EFHC2: variants seen among roughly 807,000 people sequenced by gnomAD.
The protein encoded by EFHC2 is EF-hand domain containing 2.
A neutral mutation model predicts 52.7 loss-of-function variants in EFHC2; 18 were observed. The ratio of observed to expected loss-of-function variants is 0.34; its 90% CI spans 0.24 to 0.51. The LOEUF (loss-of-function observed/expected upper bound fraction) is 0.51. Ranked by LOEUF, EFHC2 falls within the 20% of genes least tolerant of loss-of-function variation. The probability of loss-of-function intolerance (pLI) is 0.97; values close to 1 mark genes in which losing one functional copy is unlikely to be tolerated. For synonymous variants in EFHC2, 203 were observed against 204.1 expected, an observed-to-expected ratio of 0.99 and a Z score of 0.04; for missense variants, 513 against 562.5, an observed-to-expected ratio of 0.91 and a Z score of 0.89.
chrX:44,298,261 A>G (rs780845030), intron 2 of EFHC2, among the ~76,000 whole-genome samples: 2 of 112,120 alleles, frequency 1.8e-5, no homozygotes, highest in Admixed American at 1.9e-4. Context: ...CTGTTATAGT[A>G]TATTATTACA....
At chrX:44,174,688 A>G (rs142369465) in intron 13 of EFHC2, among the ~76,000 whole-genome samples, 83 of 106,574 alleles carry the variant, frequency 7.8e-4, no homozygotes, top group African/African-American at 2.9e-3. Context: ...TATATGTGTA[A>G]TATGCTAAAC....
chrX:44,292,270 G>C (rs1318434897), intron 2 of EFHC2, among the ~76,000 whole-genome samples: 1 of 110,531 alleles, frequency 9.0e-6, no homozygotes. Flanking sequence ...CCCCATATCC[G>C]AAATTCTTGA....
At chrX:44,293,845 T>C (rs965204709) in intron 2 of EFHC2, among the ~76,000 whole-genome samples, 1 of 111,945 alleles carries the variant, frequency 8.9e-6, no homozygotes, top group Non-Finnish European at 1.9e-5. Flanking sequence ...ACATAAATCC[T>C]TCCTCTTACC....
chrX:44,196,292 G>A (rs2036965666), intron 11 of EFHC2, among the ~76,000 whole-genome samples: 1 of 111,755 alleles, frequency 8.9e-6, no homozygotes, highest in Admixed American at 9.5e-5. Flanking sequence ...CTCAGAGCCA[G>A]GCCTGTGGCT....
chrX:44,234,803 G>C (rs2037305259), intron 9 of EFHC2, among the ~76,000 whole-genome samples: 1 of 111,773 alleles, frequency 8.9e-6, no homozygotes, highest in Admixed American at 9.5e-5. Context: ...CTGTGGGCCT[G>C]AGTGCTGGAA....
At chrX:44,288,351 C>G (rs990344725) in intron 2 of EFHC2, among the ~76,000 whole-genome samples, 1 of 109,293 alleles carries the variant, frequency 9.1e-6, no homozygotes, top group Non-Finnish European at 1.9e-5. Context: ...ACAGTTTACC[C>G]GCATGGAAAA....
chrX:44,251,103 G>A (rs1361516405), intron 4 of EFHC2, among the ~76,000 whole-genome samples: 2 of 106,466 alleles, frequency 1.9e-5, no homozygotes, highest in Non-Finnish European at 3.9e-5. Flanking sequence ...GCCGGGCGTG[G>A]TGGCAGGCAC....
At chrX:44,197,804 G>A (rs981797878) in intron 11 of EFHC2, among the ~76,000 whole-genome samples, 1 of 112,709 alleles carries the variant, frequency 8.9e-6, no homozygotes, top group Non-Finnish European at 1.9e-5. Context: ...GCCCTATGGT[G>A]GCCCAAGTGC....
intron 2 of EFHC2, among the ~76,000 whole-genome samples, chrX:44,306,922 G>C (rs914063207): frequency 8.9e-6 from 1 of 112,211 alleles, no homozygotes; most frequent in Non-Finnish European, 1.9e-5. Context: ...GTGTAGCCTT[G>C]GTCTGATGCA....
chrX:44,178,053 C>A (rs2036801902), intron 12 of EFHC2, among the ~76,000 whole-genome samples: 1 of 107,149 alleles, frequency 9.3e-6, no homozygotes, highest in African/African-American at 3.4e-5. Flanking sequence ...CTCTCTTGAA[C>A]CTGGGAGGTG....
chrX:44,279,221 G>T (rs1420121131), intron 2 of EFHC2, among the ~76,000 whole-genome samples: 2 of 111,762 alleles, frequency 1.8e-5, no homozygotes, highest in Non-Finnish European at 3.8e-5. Context: ...GTGCATGCCT[G>T]TAATCCCAGC....
chrX:44,250,647 A>G (rs1470999042), intron 4 of EFHC2, among the ~76,000 whole-genome samples: 1 of 106,531 alleles, frequency 9.4e-6, no homozygotes, highest in African/African-American at 3.4e-5. Flanking sequence ...CAACATGGCA[A>G]AAACACAACT....
intron 4 of EFHC2, among the ~76,000 whole-genome samples, chrX:44,255,658 C>G (rs1382121773): frequency 9.0e-6 from 1 of 111,172 alleles, no homozygotes; most frequent in Non-Finnish European, 1.9e-5. Flanking sequence ...GATTTAGACT[C>G]CCACACAATA....
At chrX:44,297,597 C>A (rs1056726862) in intron 2 of EFHC2, among the ~76,000 whole-genome samples, 10 of 108,899 alleles carry the variant, frequency 9.2e-5, no homozygotes, top group African/African-American at 3.0e-4. Flanking sequence ...GGTGTGGTGG[C>A]GTGCACCTGT....
chrX:44,340,677 A>G (rs754894986), intron 1 of EFHC2, among the ~76,000 whole-genome samples: 1 of 111,750 alleles, frequency 8.9e-6, no homozygotes, highest in Non-Finnish European at 1.9e-5. Flanking sequence ...AGCAGTGACC[A>G]ATAAATGGTC....
At chrX:44,168,160 C>T (rs986480574) in intron 13 of EFHC2, among the ~76,000 whole-genome samples, 6 of 111,375 alleles carry the variant, frequency 5.4e-5, no homozygotes, top group African/African-American at 2.0e-4. Context: ...TCCTGGGAGA[C>T]TAAGTGACTG....
intron 14 of EFHC2, among the ~76,000 whole-genome samples, chrX:44,151,665 T>C (rs1472023060): frequency 8.9e-6 from 1 of 112,514 alleles, no homozygotes; most frequent in Non-Finnish European, 1.9e-5. Context: ...TAATTAATTA[T>C]ATCTGCAAAG....
chrX:44,314,979 C>T (rs1175179932), intron 1 of EFHC2, among the ~76,000 whole-genome samples: 1 of 111,402 alleles, frequency 9.0e-6, no homozygotes. Flanking sequence ...CTCCAAATCT[C>T]ATGTTGAAAT....
intron 14 of EFHC2, among the ~76,000 whole-genome samples, chrX:44,149,341 C>T (rs750699922): frequency 7.2e-5 from 8 of 111,436 alleles, no homozygotes; most frequent in African/African-American, 2.3e-4. Context: ...GCTGGACTTG[C>T]GGACTAAGAG....
Sources: gnomAD v4.1 joint callset for allele counts (sites outside exome capture counted in the v4.1 genomes callset) on GRCh38, gnomAD v4.1.1 for gene constraint, MANE v1.5 for transcripts, NCBI Gene and HGNC (gene_info 2026-07-23, HGNC 2026-07-21) for gene names.